CUEDC2: variants seen among roughly 807,000 people sequenced by gnomAD.
The protein encoded by CUEDC2 is CUE domain containing 2, also known as CUE domain-containing protein 2.
In CUEDC2, 10 loss-of-function variants were observed where a neutral mutation model predicts 36.0. That is an observed-to-expected ratio of 0.28 (90% CI 0.17 to 0.47). The LOEUF (loss-of-function observed/expected upper bound fraction) is 0.47, where lower values mean the gene tolerates loss of function less well. CUEDC2 is among the 20% of genes least tolerant of loss of function. CUEDC2 has a pLI of 0.99. For missense variants in CUEDC2, 269 were observed against 368.1 expected (o/e 0.73, Z 2.20); for synonymous variants, 133 against 141.8 (o/e 0.94, Z 0.44).
In CUEDC2 at chr10:102,423,346, G is replaced by T; in HGVS notation, c.*80C>A. The T allele has an allele frequency of 1.3e-6, 2 of 1,535,228 alleles. No individual in the cohort carries two copies. Among genetic ancestry groups the T allele is most frequent in the South Asian group, 2.3e-5 (2 of 88,504 alleles). On this transcript the variant is annotated 3_prime_UTR_variant, in exon 9 of 9. Transcript: ENST00000369937. This position sits in a 1 kb window ranked among gnomAD's most constrained non-coding sequence, Gnocchi z 5.6. Reference sequence around the variant, plus strand: ...AGAGAAGGGGGACAGGAGTTAGGGGGCCCCTGTGTAGGGGTATAGGGCTCC... The same window carrying T: ...AGAGAAGGGGGACAGGAGTTAGGGGTCCCCTGTGTAGGGGTATAGGGCTCC...
intron 1 of CUEDC2, among the ~76,000 whole-genome samples, chr10:102,428,664 G>A (rs536707162): frequency 1.1e-4 from 16 of 151,870 alleles, no homozygotes; most frequent in African/African-American, 2.9e-4. Flanking sequence ...CAAGAGGATC[G>A]TTTGAGCTCA....
intron 2 of CUEDC2, 64 bp downstream of exon 2, chr10:102,425,051 A>G: frequency 2.9e-6 from 4 of 1,385,524 alleles, no homozygotes; most frequent in Non-Finnish European, 4.1e-6. Context: ...GCCAGTACCC[A>G]TAGTACTGCC....
At chr10:102,427,772 G>C (rs1374789855) in intron 1 of CUEDC2, among the ~76,000 whole-genome samples, 1 of 151,842 alleles carries the variant, frequency 6.6e-6, no homozygotes, top group Non-Finnish European at 1.5e-5. Context: ...ATCTTTTCCT[G>C]CTTAAAATCT....
chr10:102,424,584 G>T lies in CUEDC2; in HGVS notation c.219-24C>A. 6.2e-7 allele frequency: 1 copy of T among 1,614,074 alleles called. No individual in the cohort carries two copies. The highest frequency in any genetic ancestry group is 8.5e-7 in the Non-Finnish European group (1 of 1,179,930). ...CCCTGAAAAGATGAGGGCAGTGAGA[G>T]GATGACTCTGCCCACCCCATAATCA... On this transcript the variant is annotated intron_variant, in intron 3 of 8. Transcript: ENST00000369937. This position sits in a 1 kb window ranked among gnomAD's most constrained non-coding sequence, Gnocchi z 4.2.
chr10:102,424,233 G>C lies in CUEDC2; in HGVS notation c.411+31C>G. The C allele has an allele frequency of 6.2e-7, 1 of 1,611,260 alleles. No homozygotes were observed. The highest frequency in any genetic ancestry group is 2.2e-5 in the East Asian group (1 of 44,834). On this transcript the variant is annotated intron_variant, in intron 5 of 8. Coordinates refer to ENST00000369937, the MANE Select transcript of CUEDC2 (RefSeq NM_024040.3). This position sits in a 1 kb window ranked among gnomAD's most constrained non-coding sequence, Gnocchi z 4.2. Reference sequence around the variant, plus strand: ...TACTCCCCCCTTTCCAGCCCCCTGGGTCCCTCATCGGTACCCTCCTCTACC... The same window carrying C: ...TACTCCCCCCTTTCCAGCCCCCTGGCTCCCTCATCGGTACCCTCCTCTACC...
intron 1 of CUEDC2, among the ~76,000 whole-genome samples, chr10:102,430,129 TTC>T (rs1317286704): frequency 4.6e-4 from 3 of 6,532 alleles, no homozygotes; most frequent in Non-Finnish European, 1.2e-3. Context: ...AGCCCAGGTT[TTC>T]TTTTTTTTTT....
chr10:102,430,141 T>TA (rs1565238085), intron 1 of CUEDC2, among the ~76,000 whole-genome samples: 3 of 117,048 alleles, frequency 2.6e-5, no homozygotes, highest in African/African-American at 9.8e-5. Context: ...CTTTTTTTTT[T>TA]TTTAATTTTA....
rs373431726 is a variant in CUEDC2 at position 102,425,107 on chromosome 10, G to C, written c.74+8C>G. The C allele has an allele frequency of 3.7e-6, 6 of 1,612,180 alleles. No homozygotes were observed. Among genetic ancestry groups the C allele is most frequent in the South Asian group, 3.3e-5 (3 of 91,048 alleles). On this transcript the variant is annotated splice_region_variant and intron_variant, in intron 2 of 8. Coordinates refer to ENST00000369937, the MANE Select transcript of CUEDC2 (RefSeq NM_024040.3). The stretch of plus-strand genomic sequence containing the variant: ...CTGACATGAGCCTTCCGGGGGACCC[G>C]TCTCTACCTGAGGTCGGCCTCCGGG...
chr10:102,425,206 G>C lies in CUEDC2; in HGVS notation c.-10-8C>G. 6.2e-7 allele frequency: 1 copy of C among 1,609,450 alleles called. No individual in the cohort carries two copies. Among genetic ancestry groups the C allele is most frequent in the Non-Finnish European group, 8.5e-7 (1 of 1,176,334 alleles). ...AGCTCCATGCTCTCTCTTCTGAAGG[G>C]ACACAGACAGGATGGCCAGGCCTTC... On this transcript the variant is annotated splice_region_variant and splice_polypyrimidine_tract_variant and intron_variant, in intron 1 of 8. Transcript: ENST00000369937.
Position 102,424,816 on chromosome 10 carries a change from C to T in CUEDC2, c.75-24G>A, listed in dbSNP as rs748872838. On this transcript the variant is annotated intron_variant, in intron 2 of 8. Transcript: ENST00000369937. The surrounding 1 kb of genome is among the most constrained non-coding windows in gnomAD (Gnocchi z 4.2). ...CACTGCAGGAAGGGAACAGGACAAG[C>T]CCTGGGTAGGACACTGGATGCCTCC... 6.2e-7 allele frequency: 1 copy of T among 1,609,836 alleles called. No individual in the cohort carries two copies. Among genetic ancestry groups the T allele is most frequent in the East Asian group, 2.2e-5 (1 of 44,874 alleles).
chr10:102,426,531 C>G (rs2061597259), intron 1 of CUEDC2, among the ~76,000 whole-genome samples: 1 of 152,202 alleles, frequency 6.6e-6, no homozygotes, highest in African/African-American at 2.4e-5. Flanking sequence ...AGTCAATCAC[C>G]AAGTCTGTCA....
At position 102,426,804 on chromosome 10, in the gene CUEDC2, G is replaced by GT. The variant is rs2061598430; in HGVS notation, c.-10-1607dup. ...CACCACCTACTAGTTTTTTGTTGTT[G>GT]TTGTTTGTTTGTTTGTTTTAGTAGA... On this transcript the variant is annotated intron_variant, in intron 1 of 8. Transcript: ENST00000369937. 2.6e-5 allele frequency among the ~76,000 whole-genome samples: 4 copies of GT among 151,708 alleles called. No homozygotes were observed. In the South Asian group the frequency reaches 8.3e-4, roughly 32 times the overall value.
chr10:102,424,466 G>A lies in CUEDC2; in HGVS notation c.280+33C>T. ...CAGGCAGTTGGGGGAGCGGGATTAT[G>A]AATCACTCAGGTGCCCAGAGCCCCA... On this transcript the variant is annotated intron_variant, in intron 4 of 8. Coordinates refer to ENST00000369937, the MANE Select transcript of CUEDC2 (RefSeq NM_024040.3). This position sits in a 1 kb window ranked among gnomAD's most constrained non-coding sequence, Gnocchi z 4.2. The A allele has an allele frequency of 6.2e-7, 1 of 1,614,060 alleles. No homozygotes were observed. Among genetic ancestry groups the A allele is most frequent in the South Asian group, 1.1e-5 (1 of 91,074 alleles).
At chr10:102,430,161 T>TTATC (rs2135473493) in intron 1 of CUEDC2, among the ~76,000 whole-genome samples, 1 of 145,318 alleles carries the variant, frequency 6.9e-6, no homozygotes, top group South Asian at 2.2e-4. Flanking sequence ...ATTTATTTAT[T>TTATC]TATTTATTTA....
chr10:102,425,050 C>G (rs2061590853), intron 2 of CUEDC2, 65 bp downstream of exon 2: 1 of 1,366,226 alleles, frequency 7.3e-7, no homozygotes, highest in Non-Finnish European at 1.0e-6. Context: ...AGCCAGTACC[C>G]ATAGTACTGC....
chr10:102,424,856 T>C lies in CUEDC2; in HGVS notation c.75-64A>G. 2 of 1,546,814 alleles carry C rather than the reference T, an allele frequency of 1.3e-6. No individual in the cohort carries two copies. Among genetic ancestry groups the C allele is most frequent in the Non-Finnish European group, 1.8e-6 (2 of 1,136,644 alleles). ...TGGATGCCTCCAGCACCCCCACCTA[T>C]CCTGAGACTCCAGCCCTCAGCTTCA... On this transcript the variant is annotated intron_variant, in intron 2 of 8. Coordinates refer to ENST00000369937, the MANE Select transcript of CUEDC2 (RefSeq NM_024040.3). This position sits in a 1 kb window ranked among gnomAD's most constrained non-coding sequence, Gnocchi z 4.2.
In CUEDC2 at chr10:102,423,975, G is replaced by A. The variant is rs1414902207; in HGVS notation, c.594+21C>T. 6.2e-7 allele frequency: 1 copy of A among 1,611,930 alleles called. No individual in the cohort carries two copies. Among genetic ancestry groups the A allele is most frequent in the Non-Finnish European group, 8.5e-7 (1 of 1,178,946 alleles). ...GGAATGTAGCTGAGGCTACATGGTA[G>A]AGGGTGCTGGGAAAAGATACCTGGT... On this transcript the variant is annotated intron_variant, in intron 6 of 8. Transcript: ENST00000369937. The surrounding 1 kb of genome is among the most constrained non-coding windows in gnomAD (Gnocchi z 5.6).
chr10:102,424,328 C>G lies in CUEDC2; in HGVS notation c.347G>C (p.Arg116Pro). The change falls in exon 5 of 9, where the codon CGG (arginine) becomes CCG (proline). Residue 116 changes from arginine (R) to proline (P), a missense_variant. Physicochemically the swap from Arg to Pro is moderately radical, Grantham distance 103. Coordinates refer to ENST00000369937, the MANE Select transcript of CUEDC2 (RefSeq NM_024040.3). This position sits in a 1 kb window ranked among gnomAD's most constrained non-coding sequence, Gnocchi z 4.2. ...AGTCTCTTCTTTGAGCATTTCGGGC[C>G]GCTGCAGGGGCTCTGGGGAGATGGG... ...QVPISPEPLQ[R>P]PEMLKEETRS... 6.2e-7 allele frequency: 1 copy of G among 1,614,142 alleles called. No homozygotes were observed. The highest frequency in any genetic ancestry group is 8.5e-7 in the Non-Finnish European group (1 of 1,180,030).
Position 102,423,353 on chromosome 10 carries a change from T to G in CUEDC2, c.*73A>C, listed in dbSNP as rs1262393952. On this transcript the variant is annotated 3_prime_UTR_variant, in exon 9 of 9. Coordinates refer to ENST00000369937, the MANE Select transcript of CUEDC2 (RefSeq NM_024040.3). This position sits in a 1 kb window ranked among gnomAD's most constrained non-coding sequence, Gnocchi z 5.6. Reference sequence around the variant, plus strand: ...GGGGACAGGAGTTAGGGGGCCCCTGTGTAGGGGTATAGGGCTCCTGCATCC... The same window carrying G: ...GGGGACAGGAGTTAGGGGGCCCCTGGGTAGGGGTATAGGGCTCCTGCATCC... The G allele has an allele frequency of 5.1e-6, 8 of 1,575,904 alleles. No individual in the cohort carries two copies. The South Asian group carries it at 5.6e-5, about 11-fold the overall frequency.
Sources: allele counts gnomAD v4.1 joint callset (sites outside exome capture counted in the v4.1 genomes callset), GRCh38; gene constraint gnomAD v4.1.1; non-coding constraint Gnocchi (gnomAD v3.1); transcripts MANE v1.5; gene names NCBI Gene and HGNC (gene_info 2026-07-23, HGNC 2026-07-21).